The following HTR4 variants were observed in gnomAD, a reference collection of about 807,000 sequenced individuals.
HTR4 encodes 5-hydroxytryptamine (serotonin) receptor 4, G protein-coupled.
In HTR4, 16 loss-of-function variants were observed where a neutral mutation model predicts 36.8. That is an observed-to-expected ratio of 0.43 (90% confidence interval 0.29 to 0.66). The LOEUF (loss-of-function observed/expected upper bound fraction) is 0.66, where lower values mean the gene tolerates loss of function less well. Ranked by LOEUF, HTR4 falls within the 30% of genes least tolerant of loss-of-function variation. The pLI, the probability that HTR4 is intolerant of heterozygous loss-of-function variation, is 0.13. For missense variants in HTR4, 438 were observed against 490.9 expected, an observed-to-expected ratio of 0.89 and a Z score of 1.02; for synonymous variants, 189 against 185.1, an observed-to-expected ratio of 1.02 and a Z score of -0.17.
downstream of HTR4, among the ~76,000 whole-genome samples, chr5:148,477,971 A>G (rs947736335): frequency 6.6e-6 from 1 of 152,080 alleles, no homozygotes; most frequent in Non-Finnish European, 1.5e-5. Flanking sequence ...CCCCTTGCCC[A>G]TCTCTATTTT....
In HTR4 at chr5:148,548,879, A is replaced by C. The variant is rs772328827; in HGVS notation, c.153-11T>G. ...TTTGTTTTTATTTTCCTGTGAGTGA[A>C]AAAGTGTAAGAGAGGAGGCAGGGGG... On this transcript the variant is annotated splice_polypyrimidine_tract_variant and intron_variant, in intron 3 of 6. Coordinates refer to ENST00000377888, the MANE Select transcript of HTR4 (RefSeq NM_000870.7). The C allele has an allele frequency of 6.2e-7, 1 of 1,608,342 alleles. No homozygotes were observed.
chr5:148,464,391 A>G (rs1163159794), intron 5 of HTR4, among the ~76,000 whole-genome samples: 1 of 152,242 alleles, frequency 6.6e-6, no homozygotes, highest in African/African-American at 2.4e-5. Context: ...TTAAATTTCA[A>G]TAATGACAAA....
chr5:148,586,469 G>A (rs982349068), intron 2 of HTR4, among the ~76,000 whole-genome samples: 13 of 151,834 alleles, frequency 8.6e-5, no homozygotes, highest in African/African-American at 2.7e-4. Context: ...TTCACACAAG[G>A]CACTTCTTAC....
chr5:148,459,539 C>T (rs1755211253), intron 5 of HTR4, among the ~76,000 whole-genome samples: 1 of 152,090 alleles, frequency 6.6e-6, no homozygotes, highest in African/African-American at 2.4e-5. Context: ...AACTAAGAAG[C>T]ACGTGTGAAG....
At chr5:148,562,610 C>G (rs538715321) in intron 2 of HTR4, among the ~76,000 whole-genome samples, 2 of 152,166 alleles carry the variant, frequency 1.3e-5, no homozygotes, top group African/African-American at 4.8e-5. Flanking sequence ...CCACTTTTAT[C>G]CCACTAACTA....
intron 4 of HTR4, among the ~76,000 whole-genome samples, chr5:148,547,691 G>A (rs565483921): frequency 5.3e-5 from 8 of 152,012 alleles, no homozygotes; most frequent in Middle Eastern, 3.4e-3. Context: ...ACAGTAGCTC[G>A]AGACCAGCCT....
intron 2 of HTR4, among the ~76,000 whole-genome samples, chr5:148,611,466 C>T (rs976816981): frequency 1.5e-5 from 2 of 133,148 alleles, no homozygotes; most frequent in African/African-American, 5.8e-5. Context: ...ACTTTACAGA[C>T]AAGCAAATGC....
chr5:148,549,077 G>A (rs935307686), intron 3 of HTR4, among the ~76,000 whole-genome samples: 5 of 152,124 alleles, frequency 3.3e-5, no homozygotes, highest in Non-Finnish European at 4.4e-5. Flanking sequence ...AAGACCCAGC[G>A]TGGTCCAGCC....
chr5:148,571,175 A>G (rs1310571243), intron 2 of HTR4, among the ~76,000 whole-genome samples: 1 of 152,128 alleles, frequency 6.6e-6, no homozygotes, highest in Non-Finnish European at 1.5e-5. Flanking sequence ...CTAATCTAGA[A>G]CATAACTCCT....
Position 148,518,473 on chromosome 5 carries a change from G to A in HTR4, c.507+4720C>T, listed in dbSNP as rs150482306. Among the ~76,000 whole-genome samples, 469 of 152,258 alleles carry A rather than the reference G, an allele frequency of 3.1e-3. 3 individuals carry two copies. The highest frequency in any genetic ancestry group is 0.011 in the African/African-American group (440 of 41,558). On this transcript the variant is annotated intron_variant, in intron 5 of 6. Coordinates refer to ENST00000377888, the MANE Select transcript of HTR4 (RefSeq NM_000870.7). ...TGCTATCATCCTAGTCCAAGTTAGC[G>A]TTAGCATCATCACTTGCCAGGATAA...
At chr5:148,634,653 C>A (rs1753460962) in intron 2 of HTR4, among the ~76,000 whole-genome samples, 1 of 152,126 alleles carries the variant, frequency 6.6e-6, no homozygotes, top group African/African-American at 2.4e-5. Context: ...AGTCAGCACA[C>A]ACATTAAAGA....
At chr5:148,561,081 C>T (rs1478103478) in intron 2 of HTR4, among the ~76,000 whole-genome samples, 2 of 151,896 alleles carry the variant, frequency 1.3e-5, no homozygotes, top group Admixed American at 1.3e-4. Context: ...ACCCTATAGA[C>T]AAGGACACGA....
intron 2 of HTR4, among the ~76,000 whole-genome samples, chr5:148,578,754 G>A (rs1761024992): frequency 1.3e-5 from 2 of 152,070 alleles, no homozygotes; most frequent in South Asian, 4.1e-4. Flanking sequence ...AGGATTGTTT[G>A]AGGATTCCAT....
intron 4 of HTR4, among the ~76,000 whole-genome samples, chr5:148,536,791 A>C (rs1364192642): frequency 6.6e-6 from 1 of 152,128 alleles, no homozygotes; most frequent in Non-Finnish European, 1.5e-5. Flanking sequence ...ATAATAGTGG[A>C]AGGCTTCAGC....
intron 5 of HTR4, among the ~76,000 whole-genome samples, chr5:148,517,418 A>G (rs1352727116): frequency 1.3e-5 from 2 of 151,928 alleles, no homozygotes; most frequent in South Asian, 2.1e-4. Context: ...GCAGAATTTG[A>G]TATCAAGCTC....
At chr5:148,455,815 G>A (rs1356943205) in intron 5 of HTR4, among the ~76,000 whole-genome samples, 1 of 152,124 alleles carries the variant, frequency 6.6e-6, no homozygotes, top group African/African-American at 2.4e-5. Context: ...TACAGAAAAT[G>A]TTATTAAGAA....
In HTR4 at chr5:148,483,104, G is replaced by T; in HGVS notation, c.*99C>A. ...CTGCACTGGCGGACGGAAAGCCTCAGGTGAAGAGAATACCGGGTGCAGTCG... is the reference window on the plus strand; with the variant it reads ...CTGCACTGGCGGACGGAAAGCCTCATGTGAAGAGAATACCGGGTGCAGTCG... On this transcript the variant is annotated 3_prime_UTR_variant, in exon 7 of 7. Transcript: ENST00000377888. The T allele has an allele frequency of 6.4e-7, 1 of 1,569,876 alleles. No individual in the cohort carries two copies. Among genetic ancestry groups the T allele is most frequent in the East Asian group, 2.3e-5 (1 of 42,894 alleles).
At position 148,569,642 on chromosome 5, in the gene HTR4, AATAAT is replaced by A. The variant is rs1386936308; in HGVS notation, c.27-19385_27-19381del. ...AGAAGTTGTGCTATACTTACAATAA[AATAAT>A]ATAATGTATCCAAAACATGAGTAGA... On this transcript the variant is annotated intron_variant, in intron 2 of 6. Transcript: ENST00000377888. Among the ~76,000 whole-genome samples the A allele has an allele frequency of 4.0e-5, 6 of 151,840 alleles. No individual in the cohort carries two copies. In the East Asian group the frequency reaches 1.2e-3, roughly 29 times the overall value.
intron 1 of HTR4, among the ~76,000 whole-genome samples, chr5:148,649,198 A>T (rs1458094805): frequency 6.6e-6 from 1 of 152,140 alleles, no homozygotes; most frequent in Non-Finnish European, 1.5e-5. Context: ...ATTTAAATTA[A>T]ATCTGAGTTT....
Sources: gnomAD v4.1 joint callset for allele counts (sites outside exome capture counted in the v4.1 genomes callset) on GRCh38, gnomAD v4.1.1 for gene constraint, MANE v1.5 for transcripts, NCBI Gene and HGNC (gene_info 2026-07-23, HGNC 2026-07-21) for gene names.